Variants in SLCO1A2 observed in about 807,000 individuals in gnomAD.
SLCO1A2 encodes the protein solute carrier organic anion transporter family member 1A2.
SLCO1A2 carries 67 observed loss-of-function variants against 69.0 expected under a neutral mutation model. The observed-to-expected ratio is 0.97, with a 90% confidence interval of 0.80 to 1.19. SLCO1A2 has a LOEUF of 1.19. Among genes scored for constraint, SLCO1A2 ranks in the 50% most tolerant of loss-of-function variants. The pLI is 0.00. For synonymous variants in SLCO1A2, 260 were observed against 265.9 expected (o/e 0.98, Z 0.22); for missense variants, 787 against 793.7 (o/e 0.99, Z 0.10).
chr12:21,328,298 A>G (rs930235572), intron 2 of SLCO1A2, among the ~76,000 whole-genome samples: 4 of 152,206 alleles, frequency 2.6e-5, no homozygotes, highest in Non-Finnish European at 4.4e-5. Flanking sequence ...GAGAAGAGAA[A>G]TGGGGAAAGG....
At chr12:21,280,105 A>G (rs751938711) in intron 12 of SLCO1A2, among the ~76,000 whole-genome samples, 3 of 152,140 alleles carry the variant, frequency 2.0e-5, no homozygotes, top group Non-Finnish European at 4.4e-5. Flanking sequence ...TACAATGGAT[A>G]CACAAAAAAT....
chr12:21,372,162 A>T lies in SLCO1A2; in HGVS notation c.-63+2237T>A, dbSNP rs139387635. On this transcript the variant is annotated intron_variant, in intron 2 of 15. Coordinates refer to the SLCO1A2 transcript ENST00000307378. ...GTTCTCATGGAGCTAATGGGAAACAAATCTGTTCTTTCAAAATAATTGTAA... is the reference window on the plus strand; with the variant it reads ...GTTCTCATGGAGCTAATGGGAAACATATCTGTTCTTTCAAAATAATTGTAA... Among the ~76,000 whole-genome samples, 428 of 152,330 alleles carry T rather than the reference A, an allele frequency of 2.8e-3. 2 individuals carry two copies. Among genetic ancestry groups the T allele is most frequent in the African/African-American group, 9.9e-3 (412 of 41,570 alleles).
At chr12:21,418,830 T>C (rs184565882), upstream of SLCO1A2, among the ~76,000 whole-genome samples, 12 of 152,290 alleles carry the variant, frequency 7.9e-5, no homozygotes, top group Admixed American at 7.2e-4. Context: ...GAACAGGGGA[T>C]TAGCAAACTA....
At chr12:21,323,400 A>G (rs2136870138) in intron 2 of SLCO1A2, among the ~76,000 whole-genome samples, 2 of 152,142 alleles carry the variant, frequency 1.3e-5, no homozygotes, top group East Asian at 3.9e-4. Flanking sequence ...CTAAAAAAAT[A>G]CAAAAAGACA....
chr12:21,361,499 A>C (rs1425924966), intron 2 of SLCO1A2, among the ~76,000 whole-genome samples: 1 of 152,210 alleles, frequency 6.6e-6, no homozygotes, highest in Admixed American at 6.5e-5. Context: ...AAAGGAACAG[A>C]GCTCCTTGCC....
At chr12:21,293,871 TA>T in intron 11 of SLCO1A2, 73 bp downstream of exon 11, 1 of 1,245,580 alleles carries the variant, frequency 8.0e-7, no homozygotes, top group Non-Finnish European at 1.1e-6. Flanking sequence ...TTACTTTTAT[TA>T]AATATAGGCC....
chr12:21,308,366 GC>G (rs1253853075), intron 4 of SLCO1A2, among the ~76,000 whole-genome samples: 3 of 152,162 alleles, frequency 2.0e-5, no homozygotes, highest in Non-Finnish European at 2.9e-5. Context: ...TATGAGAAGT[GC>G]AACTCTAAGT....
At chr12:21,417,797 T>A (rs1048826061) in intron 1 of SLCO1A2, 5 of 152,132 alleles carry the variant, frequency 3.3e-5, no homozygotes, top group Non-Finnish European at 7.3e-5. Context: ...ACTGACAAAC[T>A]TTAGATCCCA....
chr12:21,350,376 T>C (rs1937838762), intron 2 of SLCO1A2, among the ~76,000 whole-genome samples: 1 of 152,062 alleles, frequency 6.6e-6, no homozygotes, highest in Admixed American at 6.5e-5. Context: ...ATGGAATTAT[T>C]TTATACAAAT....
At chr12:21,300,248 C>T in intron 8 of SLCO1A2, 100 bp downstream of exon 8, 1 of 780,570 alleles carries the variant, frequency 1.3e-6, no homozygotes, top group Middle Eastern at 3.9e-4. Flanking sequence ...GACAAATTGT[C>T]TCAACACAGC....
chr12:21,306,986 T>G lies in SLCO1A2; in HGVS notation c.338A>C (p.Tyr113Ser). ...KSLPHFLMNQ[Y>S]EYESTVSVSG... is the part of the protein sequence containing the mutation. The stretch of plus-strand genomic sequence containing the variant: ...AACTGAAACTGTAGATTCATATTCA[T>G]ATCTGTATAAACACAGGGAAAATGA... Residue 113 changes from tyrosine to serine, a missense_variant and splice_region_variant, in exon 5 of 15, where the codon TAT (tyrosine) becomes TCT (serine). By Grantham distance (144) the Tyr-to-Ser change is moderately radical. Coordinates refer to ENST00000683939, the MANE Select transcript of SLCO1A2 (RefSeq NM_001386879.1). 1 of 1,598,548 alleles carries G rather than the reference T, an allele frequency of 6.3e-7. No homozygotes were observed. Among genetic ancestry groups the G allele is most frequent in the Non-Finnish European group, 8.6e-7 (1 of 1,165,910 alleles).
intron 2 of SLCO1A2, among the ~76,000 whole-genome samples, chr12:21,357,779 C>G (rs1442231594): frequency 3.9e-5 from 6 of 152,034 alleles, no homozygotes; most frequent in Non-Finnish European, 5.9e-5. Flanking sequence ...ATCTGTATGT[C>G]TGAAACAAGA....
upstream of SLCO1A2, among the ~76,000 whole-genome samples, chr12:21,418,578 A>C (rs1016867668): frequency 3.3e-5 from 5 of 152,178 alleles, no homozygotes; most frequent in African/African-American, 1.2e-4. Flanking sequence ...GAGCCAAGTG[A>C]AAGGGAAAAC....
chr12:21,330,854 T>C (rs1364041340), intron 2 of SLCO1A2, among the ~76,000 whole-genome samples: 1 of 152,180 alleles, frequency 6.6e-6, no homozygotes, highest in East Asian at 1.9e-4. Context: ...ATTCCTGTTT[T>C]ACTAACCTTA....
intron 9 of SLCO1A2, among the ~76,000 whole-genome samples, chr12:21,297,039 C>A (rs1283839297): frequency 2.0e-5 from 3 of 151,966 alleles, no homozygotes; most frequent in Non-Finnish European, 4.4e-5. Context: ...TGAACTGGAA[C>A]CAAAAAGAGT....
chr12:21,410,918 T>C (rs188818963), intron 1 of SLCO1A2, among the ~76,000 whole-genome samples: 14 of 152,336 alleles, frequency 9.2e-5, no homozygotes, highest in Non-Finnish European at 1.6e-4. Flanking sequence ...TTGTCTGTTA[T>C]TCTATTGGGT....
chr12:21,311,532 AAAC>A (rs1302797384), intron 4 of SLCO1A2: 5 of 151,610 alleles, frequency 3.3e-5, no homozygotes, highest in Admixed American at 3.3e-4. Context: ...GCAGGCATGA[AAAC>A]AACATTCATC....
At chr12:21,373,601 C>T in intron 2 of SLCO1A2, 1 of 702,462 alleles carries the variant, frequency 1.4e-6, no homozygotes. Flanking sequence ...TAAAGAATAA[C>T]ACCAGTGGCA....
At chr12:21,292,358 T>C (rs1351712515) in intron 11 of SLCO1A2, 22 bp from the exon 12 acceptor site, 3 of 1,579,810 alleles carry the variant, frequency 1.9e-6, no homozygotes, top group Admixed American at 3.6e-5. Context: ...TAACATATTA[T>C]ACTAAGAAGT....
Sources: gnomAD v4.1 joint callset for allele counts (sites outside exome capture counted in the v4.1 genomes callset) on GRCh38, gnomAD v4.1.1 for gene constraint, MANE v1.5 for transcripts, NCBI Gene and HGNC (gene_info 2026-07-23, HGNC 2026-07-21) for gene names.